Variants in CELF4 observed in about 807,000 individuals in gnomAD.
CELF4 encodes CUG-BP- and ETR-3-like factor 4.
CELF4 carries 18 observed loss-of-function variants against 59.9 expected under a neutral mutation model. That is an observed-to-expected ratio of 0.30 (90% CI 0.21 to 0.45). CELF4 has a LOEUF of 0.45. CELF4 is among the 20% of genes least tolerant of loss of function. The pLI is 1.00. For synonymous variants in CELF4, 261 were observed against 267.1 expected (o/e 0.98, Z 0.22); for missense variants, 456 against 689.0 (o/e 0.66, Z 3.79).
intron 2 of CELF4, among the ~76,000 whole-genome samples, chr18:37,403,256 G>T (rs906264053): frequency 6.6e-6 from 1 of 152,096 alleles, no homozygotes; most frequent in African/African-American, 2.4e-5. Flanking sequence ...AGCAAGTTTC[G>T]CCTATAATTT....
In CELF4 at chr18:37,525,820, C is replaced by T. The variant is rs192075484; in HGVS notation, c.286+39536G>A. Among the ~76,000 whole-genome samples the T allele has an allele frequency of 5.3e-5, 8 of 152,196 alleles. No homozygotes were observed. The East Asian group carries it at 1.5e-3, about 29-fold the overall frequency. On this transcript the variant is annotated intron_variant, in intron 1 of 12. Transcript: ENST00000420428. ...AAAATCGAAAATAATTATTAAAAAC[C>T]CCTTTCACAAGATCCCTTGTTCACA...
chr18:37,275,596 G>GC, intron 3 of CELF4: 1 of 275,686 alleles, frequency 3.6e-6, no homozygotes, highest in Non-Finnish European at 7.0e-6. Context: ...AGAGCACACG[G>GC]GCAGCCTGCG....
intron 2 of CELF4, among the ~76,000 whole-genome samples, chr18:37,465,009 G>C (rs1181723168): frequency 6.6e-6 from 1 of 152,028 alleles, no homozygotes; most frequent in Non-Finnish European, 1.5e-5. Flanking sequence ...TCCTGCTTCC[G>C]GGAAAGTCTC....
intron 2 of CELF4, among the ~76,000 whole-genome samples, chr18:37,396,280 A>C (rs992735199): frequency 6.6e-6 from 1 of 152,178 alleles, no homozygotes; most frequent in African/African-American, 2.4e-5. Flanking sequence ...CCCTGGCCTC[A>C]GTGCTCTTGT....
At chr18:37,488,469 T>C (rs2099886946) in intron 1 of CELF4, among the ~76,000 whole-genome samples, 1 of 152,140 alleles carries the variant, frequency 6.6e-6, no homozygotes, top group South Asian at 2.1e-4. Flanking sequence ...GGCACAGAAA[T>C]GGTGCTCAGA....
chr18:37,450,731 C>G (rs1435701926), intron 2 of CELF4, among the ~76,000 whole-genome samples: 1 of 152,146 alleles, frequency 6.6e-6, no homozygotes, highest in African/African-American at 2.4e-5. Context: ...GATGCCTTCC[C>G]CTCCCCCATG....
chr18:37,431,331 G>A (rs2099656606), intron 2 of CELF4, among the ~76,000 whole-genome samples: 1 of 138,586 alleles, frequency 7.2e-6, no homozygotes, highest in African/African-American at 2.7e-5. Context: ...GTGTTCTTTT[G>A]CTATTACACA....
chr18:37,527,768 C>A (rs557718212), intron 1 of CELF4, among the ~76,000 whole-genome samples: 1 of 152,304 alleles, frequency 6.6e-6, no homozygotes, highest in Non-Finnish European at 1.5e-5. Context: ...CCTTTTTCCA[C>A]ACATGCTTTA....
chr18:37,316,936 A>G (rs1353162002), intron 3 of CELF4, among the ~76,000 whole-genome samples: 1 of 152,146 alleles, frequency 6.6e-6, no homozygotes, highest in African/African-American at 2.4e-5. Context: ...AATATAGGTA[A>G]TCTGGGTTCT....
At position 37,560,796 on chromosome 18, in the gene CELF4, GA is replaced by G. The variant is rs561716637; in HGVS notation, c.286+4559del. On this transcript the variant is annotated intron_variant, in intron 1 of 12. Transcript: ENST00000420428. The stretch of plus-strand genomic sequence containing the variant: ...AGTTTAAATCACCTGTCTACAGCAG[GA>G]AAAAAACACCCAAAACCCCACAAAA... Among the ~76,000 whole-genome samples the G allele has an allele frequency of 1.6e-3, 251 of 152,216 alleles. 1 individual carries two copies. Among genetic ancestry groups the G allele is most frequent in the African/African-American group, 5.9e-3 (246 of 41,518 alleles).
At chr18:37,329,806 A>G (rs997209202) in intron 2 of CELF4, among the ~76,000 whole-genome samples, 4 of 152,188 alleles carry the variant, frequency 2.6e-5, no homozygotes, top group African/African-American at 4.8e-5. Context: ...AGAGCACGAA[A>G]CCCAAGAGTA....
intron 5 of CELF4, 122 bp downstream of exon 5, chr18:37,274,683 C>A: frequency 6.7e-7 from 1 of 1,481,582 alleles, no homozygotes; most frequent in East Asian, 2.5e-5. Flanking sequence ...TTGTCTGAGG[C>A]CCGGAATAAG....
At chr18:37,419,367 A>G (rs552086890) in intron 2 of CELF4, among the ~76,000 whole-genome samples, 16 of 152,302 alleles carry the variant, frequency 1.1e-4, no homozygotes, top group African/African-American at 3.1e-4. Flanking sequence ...TACTTGGAGA[A>G]CCACTGGCAC....
At chr18:37,481,718 C>T (rs1807745840) in intron 2 of CELF4, among the ~76,000 whole-genome samples, 1 of 152,156 alleles carries the variant, frequency 6.6e-6, no homozygotes, top group African/African-American at 2.4e-5. Flanking sequence ...TCATTTTACT[C>T]CCACCCTACC....
intron 2 of CELF4, among the ~76,000 whole-genome samples, chr18:37,446,341 G>T (rs2099748127): frequency 6.6e-6 from 1 of 152,184 alleles, no homozygotes. Flanking sequence ...GCCTGGAGGG[G>T]TCGAGCCAGG....
chr18:37,350,853 G>A (rs921922583), intron 2 of CELF4, among the ~76,000 whole-genome samples: 1 of 152,260 alleles, frequency 6.6e-6, no homozygotes, highest in African/African-American at 2.4e-5. Flanking sequence ...AAGTCCTGAG[G>A]GTCACCAAGA....
chr18:37,270,849 C>T lies in CELF4; in HGVS notation c.1018G>A (p.Gly340Ser), dbSNP rs1465463967. 7.4e-6 allele frequency: 12 copies of T among 1,613,572 alleles called. No individual in the cohort carries two copies. The highest frequency in any genetic ancestry group is 1.0e-5 in the Non-Finnish European group (12 of 1,179,892). Residue 340 changes from glycine to serine, a missense_variant, in exon 8 of 13, where the codon GGC becomes AGC. Transcript: ENST00000420428. ...GCCTGTGGGGGGAGGCCGGTGAAGC[C>T]ATTCACCCCAATGGGGGATGGGATG... is the stretch of plus-strand genomic sequence containing the variant. The part of the protein sequence containing the change: ...PSIPSPIGVN[G>S]FTGLPPQANG...
At chr18:37,252,482 G>T (rs1386488840) in intron 12 of CELF4, among the ~76,000 whole-genome samples, 2 of 151,750 alleles carry the variant, frequency 1.3e-5, no homozygotes, top group African/African-American at 4.8e-5. Flanking sequence ...TTTCAGAGAA[G>T]AGACCAAAGT....
chr18:37,479,880 G>A (rs2099861488), intron 2 of CELF4, among the ~76,000 whole-genome samples: 1 of 152,218 alleles, frequency 6.6e-6, no homozygotes, highest in Non-Finnish European at 1.5e-5. Context: ...TATGACTGCT[G>A]TCTTCATAAA....
Sources: allele counts gnomAD v4.1 joint callset (sites outside exome capture counted in the v4.1 genomes callset), GRCh38; gene constraint gnomAD v4.1.1; transcripts MANE v1.5; gene names NCBI Gene and HGNC (gene_info 2026-07-23, HGNC 2026-07-21).